Variants in SI observed in about 807,000 individuals in gnomAD.
SI encodes the protein sucrase-isomaltase, intestinal.
In SI, 235 loss-of-function variants were observed where a neutral mutation model predicts 253.3. That is an observed-to-expected ratio of 0.93 (90% CI 0.83 to 1.03). The LOEUF (loss-of-function observed/expected upper bound fraction) is 1.03, where lower values mean the gene tolerates loss of function less well. Ranked by LOEUF, SI falls within the 50% of genes least tolerant of loss-of-function variation. The pLI is 0.00. For missense variants in SI, 2,442 were observed against 2,211.1 expected, an observed-to-expected ratio of 1.10 and a Z score of -2.09; for synonymous variants, 819 against 712.0, an observed-to-expected ratio of 1.15 and a Z score of -2.39.
At chr3:165,023,850 C>T (rs773187374) in intron 25 of SI, 74 bp from the exon 26 acceptor site, 39 of 976,698 alleles carry the variant, frequency 4.0e-5, no homozygotes, top group Admixed American at 1.1e-4. Context: ...ATTATACTGA[C>T]GTTTAGTCAC....
intron 1 of SI, among the ~76,000 whole-genome samples, chr3:165,076,978 G>GTTTTT (rs770851693): frequency 3.7e-5 from 4 of 106,900 alleles, no homozygotes; most frequent in Non-Finnish European, 6.2e-5. Flanking sequence ...ATCACGGTTT[G>GTTTTT]TTTTTTTTTT....
intron 7 of SI, 41 bp downstream of exon 7, chr3:165,065,220 A>T: frequency 8.0e-7 from 1 of 1,257,046 alleles, no homozygotes; most frequent in Non-Finnish European, 1.2e-6. Context: ...ATCTGCTGCA[A>T]TATAGTGATT....
intron 25 of SI, among the ~76,000 whole-genome samples, chr3:165,028,412 T>C (rs907818919): frequency 1.3e-5 from 2 of 150,986 alleles, no homozygotes; most frequent in Non-Finnish European, 3.0e-5. Flanking sequence ...ACACCATCAT[T>C]ATTCTTCACC....
chr3:165,083,465 A>C (rs1015495315), upstream of SI, among the ~76,000 whole-genome samples: 1 of 152,124 alleles, frequency 6.6e-6, no homozygotes, highest in African/African-American at 2.4e-5. Context: ...TAGAAGGCTC[A>C]TAAGATTCCA....
At chr3:165,015,895 T>G in intron 32 of SI, 57 bp downstream of exon 32, 1 of 1,485,224 alleles carries the variant, frequency 6.7e-7, no homozygotes, top group Admixed American at 1.7e-5. Flanking sequence ...CACCTGCTCA[T>G]TTTAGGTGAA....
At position 165,063,440 on chromosome 3, in the gene SI, A is replaced by T; in HGVS notation, c.907+2T>A. 1 of 1,263,806 alleles carries T rather than the reference A, an allele frequency of 7.9e-7. No homozygotes were observed. The highest frequency in any genetic ancestry group is 1.2e-6 in the Non-Finnish European group (1 of 863,460). The allele number at this position is 1,263,806 out of a possible 1,614,324, so 78.3% of individuals were successfully genotyped here. ...ATATATTATCAAATGAATTATTCTT[A>T]CCCATTGCATTGCTATTCATTAAAA... On this transcript the variant is annotated splice_donor_variant, in intron 8 of 47. Transcript: ENST00000264382. LOFTEE classifies it high-confidence loss of function.
chr3:165,078,417 T>C lies in SI; in HGVS notation c.-1+16A>G, dbSNP rs902454166. The C allele has an allele frequency of 2.0e-5, 3 of 151,946 alleles. No individual in the cohort carries two copies. Among genetic ancestry groups the C allele is most frequent in the African/African-American group, 7.3e-5 (3 of 41,378 alleles). 9.4% of individuals were successfully genotyped at this position (151,946 alleles called of 1,614,324 possible). A position where few individuals can be genotyped will look rare whatever the true frequency, so the allele number is the denominator to read the frequency against. On this transcript the variant is annotated intron_variant, in intron 1 of 47. Transcript: ENST00000264382. ...AAACATAAAAATAACAAAAAACATA[T>C]GAGCCATAGACTTACCTTATTTCAT...
In SI at chr3:165,017,813, A is replaced by T. The variant is rs147619761; in HGVS notation, c.3581T>A (p.Phe1194Tyr). 2.2e-5 allele frequency: 36 copies of T among 1,613,134 alleles called. No homozygotes were observed. In the African/African-American group the frequency reaches 4.0e-4, roughly 18 times the overall value. ...TGGAGTTGGGCCCAAAAACATATAAAAATCCAAGATCCCTCCAACTGTACG... is the reference window on the plus strand; with the variant it reads ...TGGAGTTGGGCCCAAAAACATATAATAATCCAAGATCCCTCCAACTGTACG... Reference protein sequence around the residue: ...TYRTVGGILDFYMFLGPTPEV... With the variant: ...TYRTVGGILDYYMFLGPTPEV... Residue 1194 changes from phenylalanine (F) to tyrosine (Y), a missense_variant, in exon 30 of 48, where the codon TTT (phenylalanine) becomes TAT (tyrosine). Transcript: ENST00000264382.
intron 17 of SI, among the ~76,000 whole-genome samples, chr3:165,042,226 T>C (rs959846581): frequency 2.6e-4 from 40 of 152,110 alleles, no homozygotes; most frequent in Admixed American, 2.6e-3. Flanking sequence ...TTTCTGAAAG[T>C]ATCATTTCGG....
In SI at chr3:165,059,176, T is replaced by G. The variant is rs1417440898; in HGVS notation, c.1270A>C (p.Ile424Leu). Residue 424 changes from isoleucine (I) to leucine (L), a missense_variant, in exon 11 of 48, where the codon ATC becomes CTC. Transcript: ENST00000264382. The stretch of plus-strand genomic sequence containing the variant: ...GTATAATTGATTATTACCAAGATGA[T>G]GACATATTTCTGTCCATGGTCATGC... ...DLHDHGQKYV[I>L]ILDPAISIGR... 6.2e-7 allele frequency: 1 copy of G among 1,612,656 alleles called. No individual in the cohort carries two copies. The highest frequency in any genetic ancestry group is 8.5e-7 in the Non-Finnish European group (1 of 1,179,196).
At chr3:165,062,699 CT>C (rs1488045912) in intron 8 of SI, among the ~76,000 whole-genome samples, 9 of 152,004 alleles carry the variant, frequency 5.9e-5, no homozygotes, top group African/African-American at 2.2e-4. Context: ...CAGCTATTTT[CT>C]TTCACAGGTG....
the SI span, among the ~76,000 whole-genome samples, chr3:165,087,259 C>A: frequency 1.4e-3 from 218 of 152,178 alleles, 3 homozygotes; most frequent in African/African-American, 5.0e-3. Context: ...GTAGACCACA[C>A]CCTTGAGACC....
chr3:165,014,481 T>C (rs1405583044), intron 33 of SI, among the ~76,000 whole-genome samples: 1 of 151,950 alleles, frequency 6.6e-6, no homozygotes, highest in Non-Finnish European at 1.5e-5. Context: ...GATCTCCTGA[T>C]CTCATGATCC....
Position 164,996,497 on chromosome 3 carries a change from G to A in SI, c.4692+38C>T, listed in dbSNP as rs534673736. 5.2e-5 allele frequency: 57 copies of A among 1,094,812 alleles called. No homozygotes were observed. The Middle Eastern group carries it at 6.0e-4, about 11-fold the overall frequency. 67.8% of individuals were successfully genotyped at this position (1,094,812 alleles called of 1,614,324 possible). A position where few individuals can be genotyped will look rare whatever the true frequency, so the allele number is the denominator to read the frequency against. Reference sequence around the variant, plus strand: ...TAAAGTATAATGAAGCATAGCCCAAGTAAGAAAATACTGAAAGTAAATGTA... The same window carrying A: ...TAAAGTATAATGAAGCATAGCCCAAATAAGAAAATACTGAAAGTAAATGTA... On this transcript the variant is annotated intron_variant, in intron 40 of 47. Transcript: ENST00000264382.
intron 25 of SI, among the ~76,000 whole-genome samples, chr3:165,030,505 C>A (rs1391801010): frequency 1.3e-5 from 2 of 150,912 alleles, no homozygotes; most frequent in Non-Finnish European, 3.0e-5. Flanking sequence ...CACATCAATT[C>A]AGCCTGGCGT....
In SI at chr3:164,996,593, C is replaced by A. The variant is rs1449088138; in HGVS notation, c.4634G>T (p.Trp1545Leu). 6.2e-7 allele frequency: 1 copy of A among 1,610,244 alleles called. No homozygotes were observed. Among genetic ancestry groups the A allele is most frequent in the South Asian group, 1.1e-5 (1 of 90,996 alleles). The change falls in exon 40 of 48, where the codon TGG (tryptophan) becomes TTG (leucine). Residue 1545 changes from tryptophan to leucine, a missense_variant. Trp to Leu is a moderately conservative substitution (Grantham distance 61, BLOSUM62 -2). Transcript: ENST00000264382. ...TGGATAAAATGCTCCAAGTTGCATC[C>A]AGCGGGTACAGAGATGATATTCTGA... ...NNSEYHLCTR[W>L]MQLGAFYPYS... is the part of the protein sequence containing the mutation.
the SI span, among the ~76,000 whole-genome samples, chr3:165,088,327 C>T: frequency 1.4e-5 from 2 of 147,112 alleles, no homozygotes; most frequent in Admixed American, 1.4e-4. Flanking sequence ...GCCTGGGCAA[C>T]AAGAGAGAAA....
intron 24 of SI, among the ~76,000 whole-genome samples, chr3:165,032,211 G>A (rs1271612188): frequency 6.6e-6 from 1 of 151,146 alleles, no homozygotes; most frequent in Admixed American, 6.6e-5. Context: ...GTAGGTTAGA[G>A]TTCAGATTTG....
rs1714149421 is a variant in SI, at chr3:165,064,675, A to G, written c.807+586T>C. 1.3e-5 allele frequency among the ~76,000 whole-genome samples: 2 copies of G among 152,138 alleles called. 1 individual carries two copies. The highest frequency in any genetic ancestry group is 4.1e-4 in the South Asian group (2 of 4,830). Reference sequence around the variant, plus strand: ...AGGATTATTATACTAAGTCAAGTATAAAGATAAAGACTAAGCCCTTATGGG... The same window carrying G: ...AGGATTATTATACTAAGTCAAGTATGAAGATAAAGACTAAGCCCTTATGGG... On this transcript the variant is annotated intron_variant, in intron 7 of 47. Transcript: ENST00000264382.
Sources: gnomAD v4.1 joint callset for allele counts (sites outside exome capture counted in the v4.1 genomes callset) on GRCh38, gnomAD v4.1.1 for gene constraint, MANE v1.5 for transcripts, NCBI Gene and HGNC (gene_info 2026-07-23, HGNC 2026-07-21) for gene names.